Variants in ARHGEF3 observed in about 807,000 individuals in gnomAD.
ARHGEF3 encodes 59.8 kDA protein.
In ARHGEF3, 28 loss-of-function variants were observed where a neutral mutation model predicts 63.2. The observed-to-expected ratio is 0.44, with a 90% CI of 0.33 to 0.61. The LOEUF is 0.61. ARHGEF3 is among the 20% of genes least tolerant of loss of function. The pLI, the probability that ARHGEF3 is intolerant of heterozygous loss-of-function variation, is 0.03. For missense variants in ARHGEF3, 533 were observed against 659.3 expected, an observed-to-expected ratio of 0.81 and a Z score of 2.10; for synonymous variants, 266 against 254.2, an observed-to-expected ratio of 1.05 and a Z score of -0.44.
intron 1 of ARHGEF3, among the ~76,000 whole-genome samples, chr3:57,055,163 C>T (rs80231313): frequency 0.08 from 10,799 of 135,176 alleles, 1,400 homozygotes; most frequent in African/African-American, 0.27. Flanking sequence ...TCTCTTTATG[C>T]TTTTTTTTTT....
At position 56,729,297 on chromosome 3, in the gene ARHGEF3, G is replaced by A; in HGVS notation, c.1554C>T (p.Asn518=). 1.2e-6 allele frequency: 2 copies of A among 1,613,670 alleles called. No individual in the cohort carries two copies. The highest frequency in any genetic ancestry group is 1.3e-5 in the African/African-American group (1 of 75,032). The part of the protein sequence containing the change: ...RMEQTDSSCG[N]SRHGESNV ...AGACGTTACTTTCACCGTGCCTGCT[G>A]TTTCCACAGGAAGAGTCTGTCTGTT... Residue 518 remains asparagine (N), a synonymous_variant, in exon 10 of 10, where the codon AAC becomes AAT. Coordinates refer to ENST00000296315, the MANE Select transcript of ARHGEF3 (RefSeq NM_019555.3).
intron 9 of ARHGEF3, among the ~76,000 whole-genome samples, chr3:56,731,053 C>G (rs971243911): frequency 6.6e-6 from 1 of 152,194 alleles, no homozygotes; most frequent in African/African-American, 2.4e-5. Flanking sequence ...AATGCTTATA[C>G]AATGCCTGGC....
chr3:57,019,859 G>A (rs1035801950), intron 2 of ARHGEF3, among the ~76,000 whole-genome samples: 22 of 152,104 alleles, frequency 1.4e-4, no homozygotes, highest in Non-Finnish European at 1.3e-4. Flanking sequence ...CAAGGTGCAC[G>A]GATGATGCCT....
chr3:56,779,144 G>C (rs905844274), intron 1 of ARHGEF3, among the ~76,000 whole-genome samples: 7 of 152,194 alleles, frequency 4.6e-5, no homozygotes, highest in Non-Finnish European at 8.8e-5. Context: ...GTCCTCCCCT[G>C]ATAAACAGGG....
At chr3:57,016,817 G>T (rs1703025057) in intron 2 of ARHGEF3, among the ~76,000 whole-genome samples, 1 of 151,958 alleles carries the variant, frequency 6.6e-6, no homozygotes, top group South Asian at 2.1e-4. Flanking sequence ...TGGGGGAGGG[G>T]TCTTCTTTGT....
Position 57,004,979 on chromosome 3 carries a change from T to A in ARHGEF3, c.62+30109A>T, listed in dbSNP as rs568491101. Among the ~76,000 whole-genome samples, 334 of 151,054 alleles carry A rather than the reference T, an allele frequency of 2.2e-3. 1 individual carries two copies. The highest frequency in any genetic ancestry group is 3.8e-3 in the Non-Finnish European group (259 of 67,838). On this transcript the variant is annotated intron_variant, in intron 2 of 12. Transcript: ENST00000338458. ...CATTTTAAAAATAAATAAATATATA[T>A]ATATATATATAGCTCTGTAATCCCT...
At chr3:56,851,329 T>A (rs1287918033) in intron 4 of ARHGEF3, among the ~76,000 whole-genome samples, 1 of 152,184 alleles carries the variant, frequency 6.6e-6, no homozygotes, top group African/African-American at 2.4e-5. Context: ...TCACCTGGAC[T>A]ATCTCTATCA....
At chr3:56,918,719 C>T (rs533077030) in intron 3 of ARHGEF3, among the ~76,000 whole-genome samples, 7 of 152,268 alleles carry the variant, frequency 4.6e-5, no homozygotes, top group Admixed American at 2.0e-4. Flanking sequence ...GGCTCTGATC[C>T]GCAAGGTCCA....
intron 4 of ARHGEF3, among the ~76,000 whole-genome samples, chr3:56,827,150 G>A (rs1255962370): frequency 1.3e-5 from 2 of 152,060 alleles, no homozygotes; most frequent in Non-Finnish European, 2.9e-5. Flanking sequence ...ACTTTTACAT[G>A]GCAAACAAGA....
At chr3:56,736,260 T>C (rs909618651) in intron 8 of ARHGEF3, among the ~76,000 whole-genome samples, 2 of 152,124 alleles carry the variant, frequency 1.3e-5, no homozygotes, top group Non-Finnish European at 2.9e-5. Flanking sequence ...AACAACATGG[T>C]ATAATGGAAT....
At chr3:57,016,924 T>C in intron 2 of ARHGEF3, among the ~76,000 whole-genome samples, 1 of 152,014 alleles carries the variant, frequency 6.6e-6, no homozygotes, top group East Asian at 1.9e-4. Context: ...GAAGTCACTG[T>C]GTCACTGTCT....
chr3:56,988,872 T>C (rs1663635083), intron 2 of ARHGEF3, among the ~76,000 whole-genome samples: 2 of 152,314 alleles, frequency 1.3e-5, no homozygotes, highest in East Asian at 1.9e-4. Flanking sequence ...ATCTCCCTCA[T>C]GACTTTTCTA....
At chr3:56,946,565 A>G (rs1387229766) in intron 3 of ARHGEF3, among the ~76,000 whole-genome samples, 1 of 152,180 alleles carries the variant, frequency 6.6e-6, no homozygotes, top group Non-Finnish European at 1.5e-5. Context: ...AGCGAGAAGA[A>G]AAGTTTAGAG....
At chr3:57,073,499 G>A (rs1015929700) in intron 1 of ARHGEF3, 3 of 789,616 alleles carry the variant, frequency 3.8e-6, no homozygotes, top group Non-Finnish European at 3.8e-6. Context: ...GAAAACCTCT[G>A]CAGTATCTGG....
At chr3:57,071,671 A>G (rs1235591798) in intron 1 of ARHGEF3, among the ~76,000 whole-genome samples, 1 of 152,052 alleles carries the variant, frequency 6.6e-6, no homozygotes, top group Non-Finnish European at 1.5e-5. Flanking sequence ...AAAAAAAAAA[A>G]AAAAATATGC....
chr3:56,857,007 A>G (rs1019341834), intron 4 of ARHGEF3, among the ~76,000 whole-genome samples: 2 of 152,162 alleles, frequency 1.3e-5, no homozygotes, highest in African/African-American at 2.4e-5. Context: ...GCCATGGGCC[A>G]TATTTCTTCA....
chr3:56,991,944 A>G (rs1342546043), intron 2 of ARHGEF3, among the ~76,000 whole-genome samples: 1 of 151,726 alleles, frequency 6.6e-6, no homozygotes, highest in Middle Eastern at 3.2e-3. Context: ...TGAGTTTGCA[A>G]TCTTATTCCA....
chr3:57,078,309 A>C (rs1044897403), intron 1 of ARHGEF3, among the ~76,000 whole-genome samples: 2 of 152,204 alleles, frequency 1.3e-5, no homozygotes, highest in African/African-American at 4.8e-5. Flanking sequence ...CTACCGGTAC[A>C]TTCAGGGCAA....
chr3:56,967,352 ATATAATAT>A (rs1294437547), intron 2 of ARHGEF3, among the ~76,000 whole-genome samples: 3 of 100,948 alleles, frequency 3.0e-5, no homozygotes, highest in East Asian at 2.7e-4. Context: ...ATCATATATT[ATATAATAT>A]TATATTATAT....
Sources: allele counts gnomAD v4.1 joint callset (sites outside exome capture counted in the v4.1 genomes callset), GRCh38; gene constraint gnomAD v4.1.1; transcripts MANE v1.5; gene names NCBI Gene and HGNC (gene_info 2026-07-23, HGNC 2026-07-21).